Variants in CDK14 observed in about 807,000 individuals in gnomAD.
CDK14 encodes cyclin-dependent kinase 14.
Under a neutral mutation model 60.7 loss-of-function variants are expected in CDK14, and 34 were observed. That is an observed-to-expected ratio of 0.56 (90% CI 0.43 to 0.75). The LOEUF (loss-of-function observed/expected upper bound fraction) is 0.75, where lower values mean the gene tolerates loss of function less well. CDK14 is among the 30% of genes least tolerant of loss of function. The pLI, the probability that CDK14 is intolerant of heterozygous loss-of-function variation, is 0.00. For missense variants in CDK14, 482 were observed against 564.1 expected (o/e 0.85, Z 1.47); for synonymous variants, 197 against 203.7 (o/e 0.97, Z 0.28).
chr7:90,998,935 C>T (rs1795763335), intron 10 of CDK14, among the ~76,000 whole-genome samples: 1 of 151,994 alleles, frequency 6.6e-6, no homozygotes, highest in African/African-American at 2.4e-5. Flanking sequence ...TCTTAGAGTT[C>T]TGGAGGCTGG....
intron 8 of CDK14, among the ~76,000 whole-genome samples, chr7:90,937,258 C>G (rs1793785008): frequency 6.6e-6 from 1 of 152,104 alleles, no homozygotes; most frequent in South Asian, 2.1e-4. Flanking sequence ...AAATCATTAG[C>G]TGATTTTCGT....
intron 2 of CDK14, among the ~76,000 whole-genome samples, chr7:90,624,502 A>G (rs1021326349): frequency 2.6e-5 from 4 of 152,126 alleles, no homozygotes; most frequent in African/African-American, 7.2e-5. Context: ...CCTATTTTGT[A>G]TTCTTTAGGT....
chr7:91,008,406 T>G (rs1285768546), intron 10 of CDK14, among the ~76,000 whole-genome samples: 1 of 152,176 alleles, frequency 6.6e-6, no homozygotes, highest in East Asian at 1.9e-4. Flanking sequence ...AAAGACCAAA[T>G]GTAAACTTTC....
At chr7:90,790,889 G>A (rs947642948) in intron 5 of CDK14, among the ~76,000 whole-genome samples, 4 of 152,176 alleles carry the variant, frequency 2.6e-5, no homozygotes, top group Non-Finnish European at 4.4e-5. Flanking sequence ...TGCATTAATG[G>A]TGAAGCTATC....
chr7:90,911,008 C>G (rs1463606121), intron 7 of CDK14, among the ~76,000 whole-genome samples: 1 of 152,094 alleles, frequency 6.6e-6, no homozygotes, highest in African/African-American at 2.4e-5. Context: ...CATTTATCTC[C>G]CAAGTATAAG....
chr7:90,934,178 C>T (rs1433412114), intron 8 of CDK14, among the ~76,000 whole-genome samples: 1 of 152,248 alleles, frequency 6.6e-6, no homozygotes, highest in Non-Finnish European at 1.5e-5. Context: ...AGGGTTTCAG[C>T]ATGTGTTTCT....
At chr7:90,953,795 A>G (rs536222303) in intron 8 of CDK14, among the ~76,000 whole-genome samples, 19 of 152,232 alleles carry the variant, frequency 1.2e-4, no homozygotes, top group Admixed American at 3.3e-4. Context: ...GTCAGAACCT[A>G]TTTCAGGACT....
intron 3 of CDK14, among the ~76,000 whole-genome samples, chr7:90,740,440 G>C (rs1249111607): frequency 1.3e-5 from 2 of 152,016 alleles, no homozygotes; most frequent in African/African-American, 4.8e-5. Flanking sequence ...ATTAAAATTA[G>C]GTCATTGGGT....
chr7:90,874,992 T>C (rs1459751941), intron 6 of CDK14, among the ~76,000 whole-genome samples: 2 of 152,076 alleles, frequency 1.3e-5, no homozygotes, highest in African/African-American at 4.8e-5. Flanking sequence ...CTAAAGAGAA[T>C]CCCATATCCA....
intron 13 of CDK14, among the ~76,000 whole-genome samples, chr7:91,116,163 T>C (rs1799603737): frequency 1.3e-5 from 2 of 152,230 alleles, no homozygotes; most frequent in South Asian, 4.1e-4. Context: ...CTGCATATAC[T>C]ATCAAGTTAC....
At position 90,863,196 on chromosome 7, in the gene CDK14, AAC is replaced by A. The variant is rs1233301362; in HGVS notation, c.568_569del (p.His190CysfsTer2). On this transcript the variant is annotated frameshift_variant, in exon 6 of 15. Transcript: ENST00000380050. LOFTEE classifies it high-confidence loss of function. ...ACAGCTTCTCTTTTAAAAGGACTAA[AAC>A]ATGCTAACATAGTGCTACTTCATGA... 1 of 1,606,586 alleles carries A rather than the reference AAC, an allele frequency of 6.2e-7. No individual in the cohort carries two copies.
chr7:91,080,142 GT>G (rs1798443150), intron 12 of CDK14, among the ~76,000 whole-genome samples: 1 of 152,120 alleles, frequency 6.6e-6, no homozygotes, highest in Non-Finnish European at 1.5e-5. Flanking sequence ...ACATTTCAAG[GT>G]TTATGCTGGA....
Position 90,723,587 on chromosome 7 carries a change from A to AT in CDK14, c.124-2975dup, listed in dbSNP as rs370882022. ...GTTTTCTCAGAAGCGGTATCCTATG[A>AT]TTTTTGCCATATTATATTTATGGGA... On this transcript the variant is annotated intron_variant, in intron 2 of 14. Coordinates refer to ENST00000380050, the MANE Select transcript of CDK14 (RefSeq NM_001287135.2). Among the ~76,000 whole-genome samples, 481 of 152,226 alleles carry AT rather than the reference A, an allele frequency of 3.2e-3. 4 individuals carry two copies. Among genetic ancestry groups the AT allele is most frequent in the African/African-American group, 0.011 (459 of 41,556 alleles).
At chr7:90,709,622 G>A (rs1801988690) in intron 2 of CDK14, 2 of 1,604,406 alleles carry the variant, frequency 1.2e-6, no homozygotes, top group East Asian at 2.2e-5. Flanking sequence ...CAAGTCCATC[G>A]TGTTTGGAAA....
chr7:90,920,531 T>TGG (rs572173329), intron 8 of CDK14, among the ~76,000 whole-genome samples: 6 of 152,214 alleles, frequency 3.9e-5, no homozygotes, highest in Non-Finnish European at 7.3e-5. Flanking sequence ...GTTAGAATCT[T>TGG]GCCCAGGCTT....
intron 14 of CDK14, among the ~76,000 whole-genome samples, chr7:91,184,215 A>AAAAAAAAAAAAAC (rs1301602943): frequency 6.8e-6 from 1 of 147,784 alleles, no homozygotes; most frequent in African/African-American, 2.5e-5. Flanking sequence ...AAAAAAAAAA[A>AAAAAAAAAAAAAC]AAAAAAAAAA....
intron 2 of CDK14, among the ~76,000 whole-genome samples, chr7:90,624,205 T>G (rs924231812): frequency 3.9e-5 from 6 of 152,176 alleles, no homozygotes; most frequent in African/African-American, 1.2e-4. Context: ...CCAGGTTTCC[T>G]GCCCTCTCAC....
chr7:90,955,288 T>C (rs1181360126), intron 8 of CDK14, among the ~76,000 whole-genome samples: 1 of 152,166 alleles, frequency 6.6e-6, no homozygotes, highest in Non-Finnish European at 1.5e-5. Context: ...TTAAGAAAAC[T>C]GAGAAGTTTC....
intron 9 of CDK14, among the ~76,000 whole-genome samples, chr7:90,977,387 G>A (rs924912634): frequency 2.6e-5 from 4 of 152,124 alleles, no homozygotes; most frequent in Non-Finnish European, 5.9e-5. Context: ...AAAATTGGGG[G>A]TTTATATAAT....
Sources: allele counts gnomAD v4.1 joint callset (sites outside exome capture counted in the v4.1 genomes callset), GRCh38; gene constraint gnomAD v4.1.1; transcripts MANE v1.5; gene names NCBI Gene and HGNC (gene_info 2026-07-23, HGNC 2026-07-21).